SH3TC1: variants seen among roughly 807,000 people sequenced by gnomAD.
SH3TC1 encodes the protein SH3 domain and tetratricopeptide repeat-containing protein 1.
Under a neutral mutation model 117.3 loss-of-function variants are expected in SH3TC1, and 135 were observed. The observed-to-expected ratio is 1.15, with a 90% CI of 1.00 to 1.33. The LOEUF is 1.33. Among genes scored for constraint, SH3TC1 ranks in the 40% most tolerant of loss-of-function variants. The pLI is 0.00. For missense variants in SH3TC1, 2,092 were observed against 1,794.3 expected (o/e 1.17, Z -3.00); for synonymous variants, 898 against 816.9 (o/e 1.10, Z -1.69).
At position 8,227,189 on chromosome 4, in the gene SH3TC1, C is replaced by A; in HGVS notation, c.1495C>A (p.Leu499Met). ...AEDDWEDPEA[L>M]SSLLLFLNAP... ...GGACGACTGGGAGGACCCAGAGGCCCTGAGCTCACTGCTGCTGTTCCTGAA... is the reference window on the plus strand; with the variant it reads ...GGACGACTGGGAGGACCCAGAGGCCATGAGCTCACTGCTGCTGTTCCTGAA... Residue 499 changes from leucine to methionine, a missense_variant, in exon 12 of 18, where the codon CTG becomes ATG. Leu to Met is a conservative substitution (Grantham distance 15). Coordinates refer to ENST00000245105, the MANE Select transcript of SH3TC1 (RefSeq NM_018986.5). 6.3e-7 allele frequency: 1 copy of A among 1,575,330 alleles called. No individual in the cohort carries two copies. The highest frequency in any genetic ancestry group is 2.3e-5 in the East Asian group (1 of 43,850).
At chr4:8,232,281 G>A (rs1214271531) in intron 13 of SH3TC1, 125 bp downstream of exon 13, 19 of 1,448,456 alleles carry the variant, frequency 1.3e-5, no homozygotes, top group Admixed American at 1.2e-4. Flanking sequence ...TGGTTCCTTG[G>A]CATCGGATGC....
chr4:8,213,898 A>G lies in SH3TC1; in HGVS notation c.376-577A>G, dbSNP rs1373743001. ...GGGGCCTCATCTCTGGAAAAAAAAA[A>G]AAAAAGAAAGAAACGGGGCCTTATT... On this transcript the variant is annotated intron_variant, in intron 4 of 17. Coordinates refer to ENST00000245105, the MANE Select transcript of SH3TC1 (RefSeq NM_018986.5). 1.6e-4 allele frequency among the ~76,000 whole-genome samples: 25 copies of G among 152,102 alleles called. No individual in the cohort carries two copies. The East Asian group carries it at 4.6e-3, about 28-fold the overall frequency.
intron 5 of SH3TC1, among the ~76,000 whole-genome samples, chr4:8,214,812 T>C (rs1377976353): frequency 6.6e-6 from 1 of 152,198 alleles, no homozygotes; most frequent in Non-Finnish European, 1.5e-5. Context: ...GCTTCCTGAG[T>C]AGCTGGGATT....
chr4:8,194,577 G>C (rs1717504576), upstream of SH3TC1, among the ~76,000 whole-genome samples: 1 of 152,218 alleles, frequency 6.6e-6, no homozygotes, highest in Non-Finnish European at 1.5e-5. Flanking sequence ...CAGCTTCCCA[G>C]CCCGGAGCAG....
chr4:8,233,044 A>G, intron 13 of SH3TC1: 1 of 1,231,328 alleles, frequency 8.1e-7, no homozygotes, highest in Non-Finnish European at 1.0e-6. Flanking sequence ...CCTGGATAGC[A>G]TCTGAACACT....
At position 8,183,775 on chromosome 4, in the gene SH3TC1, G is replaced by A. The variant is rs1717147692; in HGVS notation, c.-57+1565G>A. ...CAATACCACCAATGCCTGATTACCA[G>A]CTGCAGCCCACACCTGACTCAGATT... On this transcript the variant is annotated intron_variant, in intron 1 of 16. Coordinates refer to the SH3TC1 transcript ENST00000508641. The surrounding 1 kb of genome is among the most constrained non-coding windows in gnomAD (Gnocchi z 5.4). Among the ~76,000 whole-genome samples, 1 of 152,104 alleles carries A rather than the reference G, an allele frequency of 6.6e-6. No homozygotes were observed. Among genetic ancestry groups the A allele is most frequent in the Non-Finnish European group, 1.5e-5 (1 of 68,024 alleles).
At chr4:8,218,213 G>T in intron 7 of SH3TC1, 58 bp from the exon 8 acceptor site, 7 of 1,413,328 alleles carry the variant, frequency 5.0e-6, no homozygotes, top group Non-Finnish European at 7.0e-6. Flanking sequence ...CTCTGCACAG[G>T]ATGTATCTGC....
At chr4:8,200,527 G>A (rs1465498215) in intron 1 of SH3TC1, among the ~76,000 whole-genome samples, 1 of 152,242 alleles carries the variant, frequency 6.6e-6, no homozygotes, top group Non-Finnish European at 1.5e-5. Context: ...GATGACAACT[G>A]TGTCCCGTGT....
At chr4:8,235,581 G>A (rs778876313) in intron 15 of SH3TC1, 26 bp downstream of exon 15, 2 of 1,561,542 alleles carry the variant, frequency 1.3e-6, no homozygotes, top group South Asian at 2.4e-5. Flanking sequence ...GGCTGATGTG[G>A]GTGGGCCCCA....
At chr4:8,182,486 T>C (rs953941612) in intron 1 of SH3TC1, among the ~76,000 whole-genome samples, 2 of 151,996 alleles carry the variant, frequency 1.3e-5, no homozygotes, top group African/African-American at 2.4e-5. Context: ...GCTGTCAGGG[T>C]GGCAGGATGA....
rs150203139 is a variant in SH3TC1 at position 8,226,645 on chromosome 4, G to A, written c.1286-335G>A. ...GGCTTTGATTCTTTCTAAAGGGAAA[G>A]GCATCTCTGAGGGATCACTGAGCTG... On this transcript the variant is annotated intron_variant, in intron 11 of 17. Coordinates refer to ENST00000245105, the MANE Select transcript of SH3TC1 (RefSeq NM_018986.5). Among the ~76,000 whole-genome samples the A allele has an allele frequency of 2.0e-5, 3 of 152,346 alleles. No individual in the cohort carries two copies. The East Asian group carries it at 5.8e-4, about 29-fold the overall frequency.
intron 14 of SH3TC1, among the ~76,000 whole-genome samples, chr4:8,234,671 C>T (rs1721647053): frequency 6.6e-6 from 1 of 152,238 alleles, no homozygotes; most frequent in South Asian, 2.1e-4. Flanking sequence ...CTGCTGAGCA[C>T]CTGTTGTATG....
chr4:8,228,171 A>T lies in SH3TC1; in HGVS notation c.2477A>T (p.Asp826Val), dbSNP rs775359565. ...ATTGCCGGAGTCCGTGCCATCGTGG[A>T]CCACCTGGTGGCCCTGGCCTGGCTG... ...SAIAGVRAIVDHLVALAWLHV... is the reference protein window; with the variant it reads ...SAIAGVRAIVVHLVALAWLHV... Residue 826 changes from aspartate (D) to valine (V), a missense_variant, in exon 12 of 18, where the codon GAC becomes GTC. Coordinates refer to ENST00000245105, the MANE Select transcript of SH3TC1 (RefSeq NM_018986.5). The T allele has an allele frequency of 1.9e-6, 3 of 1,611,614 alleles. No homozygotes were observed. Among genetic ancestry groups the T allele is most frequent in the Non-Finnish European group, 2.5e-6 (3 of 1,179,008 alleles).
rs771670967 is a variant in SH3TC1 at position 8,227,432 on chromosome 4, C to G, written c.1738C>G (p.Arg580Gly). 1.3e-6 allele frequency: 2 copies of G among 1,556,962 alleles called. No individual in the cohort carries two copies. Among genetic ancestry groups the G allele is most frequent in the Admixed American group, 2.0e-5 (1 of 50,202 alleles). Residue 580 changes from arginine to glycine, a missense_variant, in exon 12 of 18, where the codon CGG becomes GGG. By Grantham distance (125) the Arg-to-Gly change is moderately radical. Coordinates refer to ENST00000245105, the MANE Select transcript of SH3TC1 (RefSeq NM_018986.5). The stretch of plus-strand genomic sequence containing the variant: ...CAGGAGGCTCAAGCTGTCCCAGGCC[C>G]GGGTGTACTTTGAGGAAGCGCTGGG... ...CSRRLKLSQARVYFEEALGAL... is the reference protein window; with the variant it reads ...CSRRLKLSQAGVYFEEALGAL...
chr4:8,225,334 G>A lies in SH3TC1; in HGVS notation c.1285+118G>A. On this transcript the variant is annotated intron_variant, in intron 11 of 17. Transcript: ENST00000245105. This position sits in a 1 kb window ranked among gnomAD's most constrained non-coding sequence, Gnocchi z 5.5. ...TTGGGTGCGGCTGTCACCCCTCTGT[G>A]GTGTGGGCTGGGGGCTTGGGGGAGG... 1 of 1,173,590 alleles carries A rather than the reference G, an allele frequency of 8.5e-7. No homozygotes were observed. Among genetic ancestry groups the A allele is most frequent in the Non-Finnish European group, 1.2e-6 (1 of 815,822 alleles). 72.7% of individuals were successfully genotyped at this position (1,173,590 alleles called of 1,614,324 possible). A position where few individuals can be genotyped will look rare whatever the true frequency, so the allele number is the denominator to read the frequency against.
chr4:8,182,658 T>C (rs1481638345), intron 1 of SH3TC1, among the ~76,000 whole-genome samples: 2 of 152,132 alleles, frequency 1.3e-5, no homozygotes, highest in Non-Finnish European at 2.9e-5. Flanking sequence ...AGATGAGGCA[T>C]TGGTGTTGGT....
At position 8,214,460 on chromosome 4, in the gene SH3TC1, T is replaced by C; in HGVS notation, c.376-15T>C. On this transcript the variant is annotated splice_polypyrimidine_tract_variant and intron_variant, in intron 4 of 17. Transcript: ENST00000245105. ...CTCCTGGGGACCTCTCGAATTCCTA[T>C]TTCTTTCTCTTAAGGAATTATCAGC... is the stretch of plus-strand genomic sequence containing the variant. 2 of 1,611,562 alleles carry C rather than the reference T, an allele frequency of 1.2e-6. No individual in the cohort carries two copies. The highest frequency in any genetic ancestry group is 1.1e-5 in the South Asian group (1 of 91,016).
upstream of SH3TC1, among the ~76,000 whole-genome samples, chr4:8,194,920 C>T (rs1042231097): frequency 6.6e-6 from 1 of 152,174 alleles, no homozygotes; most frequent in Non-Finnish European, 1.5e-5. Flanking sequence ...TAGAAAGCCC[C>T]AGAGGGCAGT....
At chr4:8,197,073 T>C (rs182180695), upstream of SH3TC1, among the ~76,000 whole-genome samples, 1 of 152,320 alleles carries the variant, frequency 6.6e-6, no homozygotes, top group East Asian at 1.9e-4. Context: ...TGAGATCATC[T>C]TGGGTTATTT....
Sources: gnomAD v4.1 joint callset for allele counts (sites outside exome capture counted in the v4.1 genomes callset) on GRCh38, gnomAD v4.1.1 for gene constraint, Gnocchi (gnomAD v3.1) non-coding constraint, MANE v1.5 for transcripts, NCBI Gene and HGNC (gene_info 2026-07-23, HGNC 2026-07-21) for gene names.